SPMIP4: variants seen among roughly 807,000 people sequenced by gnomAD.
SPMIP4 encodes sperm-associated microtubule inner protein 4.
the SPMIP4 span, chr7:25,179,314 T>C: frequency 6.2e-7 from 1 of 1,602,542 alleles, no homozygotes; most frequent in Non-Finnish European, 8.5e-7. Flanking sequence ...TCCATGCTTC[T>C]TGGCTAAAAA....
chr7:25,165,778 T>G, the SPMIP4 span, among the ~76,000 whole-genome samples: 1 of 152,250 alleles, frequency 6.6e-6, no homozygotes, highest in Non-Finnish European at 1.5e-5. Flanking sequence ...CATTCGCCAT[T>G]TCCTAGGTGA....
chr7:25,126,939 G>T, the SPMIP4 span, among the ~76,000 whole-genome samples: 749 of 152,226 alleles, frequency 4.9e-3, 3 homozygotes, highest in African/African-American at 0.016. Context: ...ACATCTGAAG[G>T]ATATTTTCAC....
At chr7:25,172,379 C>T in the SPMIP4 span, among the ~76,000 whole-genome samples, 1 of 152,136 alleles carries the variant, frequency 6.6e-6, no homozygotes, top group Non-Finnish European at 1.5e-5. The surrounding 1 kb of genome is among the most constrained non-coding windows in gnomAD (Gnocchi z 4.2). Context: ...CTACTGGGGA[C>T]TGCACTGGTT....
the SPMIP4 span, among the ~76,000 whole-genome samples, chr7:25,163,236 T>C: frequency 4.7e-4 from 72 of 152,360 alleles, no homozygotes; most frequent in African/African-American, 1.7e-3. The surrounding 1 kb of genome is among the most constrained non-coding windows in gnomAD (Gnocchi z 4.4). Flanking sequence ...AATGTACCCA[T>C]TGAAAATATA....
the SPMIP4 span, among the ~76,000 whole-genome samples, chr7:25,171,169 T>C: frequency 6.6e-6 from 1 of 152,204 alleles, no homozygotes; most frequent in Non-Finnish European, 1.5e-5. Context: ...AACAGTACTA[T>C]GCAGTGGACT....
the SPMIP4 span, chr7:25,161,338 AGATT>A: frequency 1.4e-6 from 1 of 728,184 alleles, no homozygotes; most frequent in East Asian, 2.9e-5. Flanking sequence ...AAAGACAAAT[AGATT>A]AATAACATAT....
At chr7:25,177,795 T>C in the SPMIP4 span, among the ~76,000 whole-genome samples, 2 of 152,346 alleles carry the variant, frequency 1.3e-5, no homozygotes, top group Non-Finnish European at 2.9e-5. Context: ...TTATTTTCAT[T>C]GTAATTTTTT....
chr7:25,127,064 C>T, the SPMIP4 span, among the ~76,000 whole-genome samples: 35 of 152,268 alleles, frequency 2.3e-4, no homozygotes, highest in African/African-American at 8.2e-4. Flanking sequence ...CTTATTAGAA[C>T]TCCTTTTTAT....
the SPMIP4 span, chr7:25,142,305 A>T: frequency 6.2e-7 from 1 of 1,612,768 alleles, no homozygotes; most frequent in Non-Finnish European, 8.5e-7. Context: ...GTAATCATCC[A>T]GTTCAAGGGG....
the SPMIP4 span, chr7:25,161,366 G>C: frequency 1.2e-5 from 6 of 504,972 alleles, no homozygotes; most frequent in Admixed American, 3.8e-5. Flanking sequence ...CATATATGTA[G>C]AAATTCAATA....
chr7:25,135,560 T>A, the SPMIP4 span: 1 of 945,240 alleles, frequency 1.1e-6, no homozygotes, highest in Non-Finnish European at 1.3e-6. Context: ...GTTCTCATTT[T>A]TATTAAGATA....
the SPMIP4 span, among the ~76,000 whole-genome samples, chr7:25,159,958 A>G: frequency 1.3e-5 from 2 of 152,010 alleles, no homozygotes. Flanking sequence ...ATATGCCTAA[A>G]AGCATATGCC....
chr7:25,138,985 G>A, the SPMIP4 span, among the ~76,000 whole-genome samples: 34 of 152,154 alleles, frequency 2.2e-4, no homozygotes, highest in Admixed American at 6.5e-4. This position sits in a 1 kb window ranked among gnomAD's most constrained non-coding sequence, Gnocchi z 6.2. Context: ...ATAGATACAC[G>A]CTGGGTGGTG....
the SPMIP4 span, among the ~76,000 whole-genome samples, chr7:25,142,974 T>A: frequency 2.0e-5 from 3 of 152,214 alleles, no homozygotes; most frequent in African/African-American, 7.2e-5. Flanking sequence ...TTGCTATAAT[T>A]GGAACCATAT....
the SPMIP4 span, chr7:25,136,184 CTTCATTGTT>C: frequency 1.2e-6 from 2 of 1,614,044 alleles, no homozygotes; most frequent in African/African-American, 2.7e-5. This position sits in a 1 kb window ranked among gnomAD's most constrained non-coding sequence, Gnocchi z 5.7. Context: ...GGTCTTGTTT[CTTCATTGTT>C]TTCCATATTC....
chr7:25,130,814 C>A, the SPMIP4 span, among the ~76,000 whole-genome samples: 3 of 152,168 alleles, frequency 2.0e-5, no homozygotes, highest in Non-Finnish European at 4.4e-5. Flanking sequence ...TGGCCTATGC[C>A]CAGGAATGAA....
the SPMIP4 span, chr7:25,154,997 AGG>A: frequency 1.2e-6 from 2 of 1,601,484 alleles, no homozygotes; most frequent in African/African-American, 2.7e-5. Context: ...TTCTGATTCC[AGG>A]TCACATTTTA....
At chr7:25,149,482 T>C in the SPMIP4 span, among the ~76,000 whole-genome samples, 1 of 151,952 alleles carries the variant, frequency 6.6e-6, no homozygotes, top group Admixed American at 6.6e-5. Context: ...CAGAAGAAAA[T>C]GTGAAAGGTT....
the SPMIP4 span, chr7:25,136,742 T>A: frequency 6.2e-7 from 1 of 1,614,062 alleles, no homozygotes; most frequent in South Asian, 1.1e-5. This position sits in a 1 kb window ranked among gnomAD's most constrained non-coding sequence, Gnocchi z 5.7. Context: ...AATCGGGCAA[T>A]TCGTCCTTCC....
Sources: allele counts gnomAD v4.1 joint callset (sites outside exome capture counted in the v4.1 genomes callset), GRCh38; gene constraint gnomAD v4.1.1; non-coding constraint Gnocchi (gnomAD v3.1); transcripts MANE v1.5; gene names NCBI Gene and HGNC (gene_info 2026-07-23, HGNC 2026-07-21).